Variants in HSD17B12 observed in about 807,000 individuals in gnomAD.
The protein encoded by HSD17B12 is very-long-chain 3-oxoacyl-CoA reductase.
Under a neutral mutation model 39.3 loss-of-function variants are expected in HSD17B12, and 32 were observed. The ratio of observed to expected loss-of-function variants is 0.81; its 90% CI spans 0.61 to 1.09. The LOEUF is 1.09. Among genes scored for constraint, HSD17B12 ranks in the 50% least tolerant of loss-of-function variants. The probability of loss-of-function intolerance (pLI) is 0.00; values close to 1 mark genes in which losing one functional copy is unlikely to be tolerated. For missense variants in HSD17B12, 342 were observed against 382.9 expected (o/e 0.89, Z 0.89); for synonymous variants, 150 against 146.7 (o/e 1.02, Z -0.16).
In HSD17B12 at chr11:43,813,115, A is replaced by G. The variant is rs552585245; in HGVS notation, c.392-2322A>G. Among the ~76,000 whole-genome samples, 3 of 152,278 alleles carry G rather than the reference A, an allele frequency of 2.0e-5. No homozygotes were observed. The East Asian group carries it at 5.8e-4, about 29-fold the overall frequency. On this transcript the variant is annotated intron_variant, in intron 4 of 10. Coordinates refer to ENST00000278353, the MANE Select transcript of HSD17B12 (RefSeq NM_016142.3). ...CTCAGTCTCCCAAAGTGCTGGGATT[A>G]CAGGCGTGAGCCACCACGCCTGGCA...
chr11:43,614,659 T>G, the HSD17B12 span, among the ~76,000 whole-genome samples: 4 of 152,168 alleles, frequency 2.6e-5, no homozygotes, highest in Non-Finnish European at 2.9e-5. Context: ...CTGAGACCAT[T>G]TTTTATTATC....
chr11:43,651,255 G>A, the HSD17B12 span, among the ~76,000 whole-genome samples: 2 of 152,192 alleles, frequency 1.3e-5, no homozygotes, highest in Non-Finnish European at 2.9e-5. Context: ...AATAAAATGA[G>A]AAGCCAATGA....
chr11:43,594,088 G>A, the HSD17B12 span, among the ~76,000 whole-genome samples: 25 of 152,060 alleles, frequency 1.6e-4, no homozygotes, highest in Non-Finnish European at 3.2e-4. Context: ...ATTGAAAGGG[G>A]AAACGGTCAA....
At chr11:43,768,922 C>A (rs1950624049) in intron 3 of HSD17B12, among the ~76,000 whole-genome samples, 1 of 152,128 alleles carries the variant, frequency 6.6e-6, no homozygotes, top group Admixed American at 6.5e-5. Flanking sequence ...ATTTACAATC[C>A]TCTAGCTAGA....
At chr11:43,696,297 C>T (rs924254884) in intron 1 of HSD17B12, among the ~76,000 whole-genome samples, 3 of 151,808 alleles carry the variant, frequency 2.0e-5, no homozygotes, top group Non-Finnish European at 4.4e-5. Flanking sequence ...TTCTGATATC[C>T]GGAATCTACA....
chr11:43,629,715 CA>C, the HSD17B12 span, among the ~76,000 whole-genome samples: 2 of 152,056 alleles, frequency 1.3e-5, no homozygotes, highest in Non-Finnish European at 2.9e-5. Context: ...ATCAAATTGT[CA>C]CTACAAAATA....
At chr11:43,619,281 CAT>C in the HSD17B12 span, among the ~76,000 whole-genome samples, 4 of 102,462 alleles carry the variant, frequency 3.9e-5, no homozygotes, top group African/African-American at 1.3e-4. Flanking sequence ...ATGTAAAATC[CAT>C]ATATATATAT....
chr11:43,607,250 T>C, the HSD17B12 span, among the ~76,000 whole-genome samples: 1 of 150,692 alleles, frequency 6.6e-6, no homozygotes, highest in Admixed American at 6.7e-5. Context: ...GGAGGGAAGA[T>C]GGTGGATGTG....
At chr11:43,839,273 A>G (rs1951400969) in intron 8 of HSD17B12, among the ~76,000 whole-genome samples, 1 of 152,086 alleles carries the variant, frequency 6.6e-6, no homozygotes, top group African/African-American at 2.4e-5. Context: ...AGCCCCTACA[A>G]TCTACTTTCT....
At chr11:43,747,751 G>A (rs1048162377) in intron 1 of HSD17B12, among the ~76,000 whole-genome samples, 11 of 152,140 alleles carry the variant, frequency 7.2e-5, no homozygotes, top group East Asian at 5.8e-4. Context: ...TGTGCATGAC[G>A]GACTGCCTTC....
At chr11:43,602,497 T>G in the HSD17B12 span, among the ~76,000 whole-genome samples, 2 of 152,056 alleles carry the variant, frequency 1.3e-5, no homozygotes, top group Non-Finnish European at 2.9e-5. Context: ...TGAGTAAGAA[T>G]GTAAACTCCA....
the HSD17B12 span, among the ~76,000 whole-genome samples, chr11:43,638,133 G>T: frequency 6.6e-6 from 1 of 152,292 alleles, no homozygotes; most frequent in Admixed American, 6.5e-5. Context: ...TGCTTATATG[G>T]CGATATTCCA....
chr11:43,761,593 C>T (rs150656276), intron 3 of HSD17B12, among the ~76,000 whole-genome samples: 237 of 152,304 alleles, frequency 1.6e-3, no homozygotes, highest in Middle Eastern at 6.8e-3. Context: ...TGAGGTCACT[C>T]AGTGATATTT....
At chr11:43,736,519 G>A (rs938615070) in intron 1 of HSD17B12, among the ~76,000 whole-genome samples, 2 of 152,134 alleles carry the variant, frequency 1.3e-5, no homozygotes. Context: ...TGTAAACTGG[G>A]CATTTTCTTT....
At chr11:43,699,340 C>T (rs1163328423) in intron 1 of HSD17B12, among the ~76,000 whole-genome samples, 1 of 151,434 alleles carries the variant, frequency 6.6e-6, no homozygotes, top group Non-Finnish European at 1.5e-5. Flanking sequence ...TTCATTTTTT[C>T]CTCTGGGGAA....
At chr11:43,761,860 A>G (rs936133999) in intron 3 of HSD17B12, among the ~76,000 whole-genome samples, 4 of 152,226 alleles carry the variant, frequency 2.6e-5, no homozygotes, top group Non-Finnish European at 5.9e-5. Context: ...ACGTAGCATT[A>G]TTACTACCAT....
chr11:43,756,530 T>C (rs183315521), intron 3 of HSD17B12, among the ~76,000 whole-genome samples: 10 of 152,314 alleles, frequency 6.6e-5, no homozygotes, highest in Non-Finnish European at 1.2e-4. Flanking sequence ...ATAATAACTC[T>C]TAAAGTGATT....
intron 4 of HSD17B12, among the ~76,000 whole-genome samples, chr11:43,812,735 A>T (rs1951084436): frequency 6.6e-6 from 1 of 152,152 alleles, no homozygotes; most frequent in Admixed American, 6.5e-5. Context: ...ATGTTTTCTT[A>T]TAGAGCTATG....
At chr11:43,726,420 T>C (rs1030872892) in intron 1 of HSD17B12, among the ~76,000 whole-genome samples, 2 of 152,184 alleles carry the variant, frequency 1.3e-5, no homozygotes, top group African/African-American at 4.8e-5. Flanking sequence ...TTGAGGGCGT[T>C]AGTAGGGCTT....
Sources: allele counts gnomAD v4.1 joint callset (sites outside exome capture counted in the v4.1 genomes callset), GRCh38; gene constraint gnomAD v4.1.1; transcripts MANE v1.5; gene names NCBI Gene and HGNC (gene_info 2026-07-23, HGNC 2026-07-21).